Variants in SH3PXD2A observed in about 807,000 individuals in gnomAD.
SH3PXD2A encodes the protein SH3 and PX domains 2A.
Under a neutral mutation model 115.2 loss-of-function variants are expected in SH3PXD2A, and 32 were observed. That is an observed-to-expected ratio of 0.28 (90% CI 0.21 to 0.37). The LOEUF is 0.37. Ranked by LOEUF, SH3PXD2A falls within the 10% of genes least tolerant of loss-of-function variation. SH3PXD2A has a pLI of 1.00. For synonymous variants in SH3PXD2A, 610 were observed against 629.1 expected (o/e 0.97, Z 0.45); for missense variants, 1,328 against 1,498.7 (o/e 0.89, Z 1.88).
At chr10:103,775,705 T>C (rs1166018761) in intron 2 of SH3PXD2A, among the ~76,000 whole-genome samples, 1 of 152,128 alleles carries the variant, frequency 6.6e-6, no homozygotes, top group Non-Finnish European at 1.5e-5. Context: ...TCCTGATCAT[T>C]TATTCCAGCG....
chr10:103,622,928 G>C (rs780999919), intron 9 of SH3PXD2A, among the ~76,000 whole-genome samples: 1 of 152,190 alleles, frequency 6.6e-6, no homozygotes, highest in African/African-American at 2.4e-5. Context: ...ACTGCTGGGC[G>C]GTGCTGATTC....
chr10:103,610,854 C>T (rs2036416132), intron 13 of SH3PXD2A, among the ~76,000 whole-genome samples: 1 of 152,222 alleles, frequency 6.6e-6, no homozygotes, highest in African/African-American at 2.4e-5. Flanking sequence ...CCTACAGTCT[C>T]TCCGCCTCTA....
intron 2 of SH3PXD2A, among the ~76,000 whole-genome samples, chr10:103,797,330 C>G (rs376040554): frequency 6.6e-6 from 1 of 152,112 alleles, no homozygotes; most frequent in African/African-American, 2.4e-5. Flanking sequence ...AGATAAATGG[C>G]TCTGCTCTGC....
At chr10:103,826,015 G>A (rs1040074481) in intron 1 of SH3PXD2A, among the ~76,000 whole-genome samples, 21 of 152,118 alleles carry the variant, frequency 1.4e-4, no homozygotes, top group Admixed American at 1.2e-3. Context: ...GGCCCACCTC[G>A]GCCTCCCAAA....
intron 1 of SH3PXD2A, among the ~76,000 whole-genome samples, chr10:103,850,663 G>A (rs953795372): frequency 1.3e-5 from 2 of 152,148 alleles, no homozygotes; most frequent in African/African-American, 2.4e-5. Context: ...ACCCCTCCAG[G>A]TCTGAACAGC....
chr10:103,610,941 T>C (rs900742671), intron 13 of SH3PXD2A, among the ~76,000 whole-genome samples: 1 of 152,230 alleles, frequency 6.6e-6, no homozygotes, highest in Non-Finnish European at 1.5e-5. Flanking sequence ...CTGCGCTTAC[T>C]AACAGTTCTT....
In SH3PXD2A at chr10:103,627,279, A is replaced by G. The variant is rs1335609672; in HGVS notation, c.605-77T>C. 1 of 825,896 alleles carries G rather than the reference A, an allele frequency of 1.2e-6. No homozygotes were observed. Among genetic ancestry groups the G allele is most frequent in the Non-Finnish European group, 2.1e-6 (1 of 485,200 alleles). The allele number at this position is 825,896 out of a possible 1,614,324, so 51.2% of individuals were successfully genotyped here. ...GGGTGGCTCGGGGGCCAGGACAAGG[A>G]TGGAAGGAGAGGCACAAGAAGCGGA... is the stretch of plus-strand genomic sequence containing the variant. On this transcript the variant is annotated intron_variant, in intron 8 of 14. Transcript: ENST00000369774. The surrounding 1 kb of genome is among the most constrained non-coding windows in gnomAD (Gnocchi z 4.4).
At chr10:103,671,559 CCACT>C (rs2037459963) in intron 6 of SH3PXD2A, among the ~76,000 whole-genome samples, 2 of 152,200 alleles carry the variant, frequency 1.3e-5, no homozygotes, top group Non-Finnish European at 1.5e-5. Context: ...TCTGCTGCTC[CCACT>C]CAAAGTCCCT....
chr10:103,806,718 A>G (rs1020075150), intron 1 of SH3PXD2A, among the ~76,000 whole-genome samples: 2 of 152,172 alleles, frequency 1.3e-5, no homozygotes, highest in Non-Finnish European at 2.9e-5. Context: ...TCTGGATTTT[A>G]AAAACCCATG....
At chr10:103,684,156 G>A (rs1010426473) in intron 6 of SH3PXD2A, among the ~76,000 whole-genome samples, 3 of 152,126 alleles carry the variant, frequency 2.0e-5, no homozygotes, top group South Asian at 2.1e-4. Flanking sequence ...CTCACAGACC[G>A]GCTTCCTGTG....
chr10:103,817,983 A>T (rs988386870), intron 1 of SH3PXD2A, among the ~76,000 whole-genome samples: 23 of 152,222 alleles, frequency 1.5e-4, no homozygotes, highest in African/African-American at 4.8e-4. Flanking sequence ...GAAAATGTTT[A>T]AAAATGACTG....
chr10:103,604,645 G>T (rs2036273164), intron 14 of SH3PXD2A, among the ~76,000 whole-genome samples: 1 of 152,192 alleles, frequency 6.6e-6, no homozygotes, highest in South Asian at 2.1e-4. Context: ...GGCCAAGGAG[G>T]GAGGGAAAGG....
At chr10:103,822,780 A>T (rs1168598223) in intron 1 of SH3PXD2A, among the ~76,000 whole-genome samples, 9 of 152,392 alleles carry the variant, frequency 5.9e-5, no homozygotes, top group African/African-American at 2.2e-4. Flanking sequence ...AAAAATTTTT[A>T]AATGGACCAA....
chr10:103,792,062 C>T lies in SH3PXD2A; in HGVS notation c.153+9220G>A, dbSNP rs142181297. Among the ~76,000 whole-genome samples, 130 of 152,284 alleles carry T rather than the reference C, an allele frequency of 8.5e-4. 2 individuals are homozygous for T. The highest frequency in any genetic ancestry group is 3.4e-3 in the Middle Eastern group (1 of 294). On this transcript the variant is annotated intron_variant, in intron 2 of 14. Transcript: ENST00000369774. The stretch of plus-strand genomic sequence containing the variant: ...ACAAGTTGAAAGGGGCGCTGGAGCC[C>T]AGCCAGCTCCCAGGTGGAGCGGAGC...
intron 5 of SH3PXD2A, among the ~76,000 whole-genome samples, chr10:103,695,962 G>C (rs1190133773): frequency 1.3e-5 from 2 of 152,216 alleles, no homozygotes; most frequent in African/African-American, 4.8e-5. Flanking sequence ...CTTCCTCAAG[G>C]CCATAGTGAG....
chr10:103,602,045 A>G lies in SH3PXD2A; in HGVS notation c.3173T>C (p.Val1058Ala). The change falls in exon 15 of 15, where the codon GTG (valine) becomes GCG (alanine). Residue 1058 changes from valine to alanine, a missense_variant. Transcript: ENST00000369774. Reference sequence around the variant, plus strand: ...AGACTTCTCGATGGGCTTGGGGCGCACAGGGGACACGGGTATGCTGTTGCG... The same window carrying G: ...AGACTTCTCGATGGGCTTGGGGCGCGCAGGGGACACGGGTATGCTGTTGCG... Reference protein sequence around the residue: ...AQRNSIPVSPVRPKPIEKSQF... With the variant: ...AQRNSIPVSPARPKPIEKSQF... The G allele has an allele frequency of 3.7e-6, 6 of 1,610,158 alleles. No homozygotes were observed. Among genetic ancestry groups the G allele is most frequent in the Non-Finnish European group, 5.1e-6 (6 of 1,177,754 alleles).
intron 1 of SH3PXD2A, among the ~76,000 whole-genome samples, chr10:103,828,432 TG>T (rs949724056): frequency 2.0e-5 from 3 of 152,294 alleles, no homozygotes; most frequent in African/African-American, 7.2e-5. Flanking sequence ...TCACCCTCCC[TG>T]GGGGTGGCCC....
chr10:103,765,140 T>A (rs2038740434), intron 3 of SH3PXD2A, among the ~76,000 whole-genome samples: 1 of 152,122 alleles, frequency 6.6e-6, no homozygotes, highest in South Asian at 2.1e-4. Flanking sequence ...TAATGCAACT[T>A]CTCTGTATTG....
intron 1 of SH3PXD2A, among the ~76,000 whole-genome samples, chr10:103,852,932 A>G (rs11191828): frequency 2.0e-5 from 3 of 152,332 alleles, no homozygotes; most frequent in East Asian, 1.9e-4. Context: ...ACTTTACCCA[A>G]TCTGGCTCTC....
Sources: gnomAD v4.1 joint callset for allele counts (sites outside exome capture counted in the v4.1 genomes callset) on GRCh38, gnomAD v4.1.1 for gene constraint, Gnocchi (gnomAD v3.1) non-coding constraint, MANE v1.5 for transcripts, NCBI Gene and HGNC (gene_info 2026-07-23, HGNC 2026-07-21) for gene names.